Variants in FOXK2 observed in about 807,000 individuals in gnomAD.
The protein encoded by FOXK2 is forkhead box protein K2.
A neutral mutation model predicts 53.3 loss-of-function variants in FOXK2; 24 were observed. That is an observed-to-expected ratio of 0.45 (90% CI 0.33 to 0.63). The LOEUF (loss-of-function observed/expected upper bound fraction) is 0.63, where lower values mean the gene tolerates loss of function less well. Ranked by LOEUF, FOXK2 falls within the 30% of genes least tolerant of loss-of-function variation. FOXK2 has a pLI of 0.03. For synonymous variants in FOXK2, 505 were observed against 407.1 expected (o/e 1.24, Z -2.89); for missense variants, 952 against 910.5 (o/e 1.05, Z -0.59).
At chr17:82,601,116 C>T (rs945296565) in intron 8 of FOXK2, 187 bp from the exon 9 acceptor site, 11 of 614,234 alleles carry the variant, frequency 1.8e-5, no homozygotes, top group South Asian at 4.9e-5. Context: ...CCTTGGCCAC[C>T]GTGGGCCAGT....
chr17:82,541,479 G>A (rs1468931086), intron 1 of FOXK2, among the ~76,000 whole-genome samples: 4 of 152,030 alleles, frequency 2.6e-5, no homozygotes, highest in Admixed American at 1.3e-4. Flanking sequence ...AACCATGTTG[G>A]CCAAGGCTGG....
intron 1 of FOXK2, among the ~76,000 whole-genome samples, chr17:82,539,299 G>A (rs12185280): frequency 8.0e-4 from 41 of 51,498 alleles, no homozygotes; most frequent in African/African-American, 2.9e-3. Context: ...GCTCAGGCCC[G>A]TAATCTCAGC....
In FOXK2 at chr17:82,601,473, G is replaced by C. The variant is rs563189443; in HGVS notation, c.1957G>C (p.Val653Leu). 5 of 1,610,520 alleles carry C rather than the reference G, an allele frequency of 3.1e-6. No individual in the cohort carries two copies. The South Asian group carries it at 5.5e-5, about 18-fold the overall frequency. The part of the protein sequence containing the change: ...ALSVDTPPAA[V>L]REKGVQN Reference sequence around the variant, plus strand: ...GAGCGTGGACACGCCACCGGCAGCCGTAAGGGAAAAGGGTGTCCAGAACTA... The same window carrying C: ...GAGCGTGGACACGCCACCGGCAGCCCTAAGGGAAAAGGGTGTCCAGAACTA... Residue 653 changes from valine (V) to leucine (L), a missense_variant, in exon 9 of 9, where the codon GTA becomes CTA. Val to Leu is a conservative substitution (Grantham distance 32, BLOSUM62 1). Around this residue, in one of 5 missense-constraint regions of FOXK2, gnomAD observed 551 missense variants for 385.1 expected, o/e 1.43. Coordinates refer to ENST00000335255, the MANE Select transcript of FOXK2 (RefSeq NM_004514.4).
At chr17:82,567,494 C>T (rs762861668) in intron 2 of FOXK2, among the ~76,000 whole-genome samples, 4 of 151,924 alleles carry the variant, frequency 2.6e-5, no homozygotes, top group Non-Finnish European at 5.9e-5. Flanking sequence ...CCCGCTGCTG[C>T]GTCCCGGGCG....
intron 1 of FOXK2, among the ~76,000 whole-genome samples, chr17:82,551,724 T>C (rs2044678875): frequency 6.6e-6 from 1 of 152,126 alleles, no homozygotes; most frequent in Non-Finnish European, 1.5e-5. Context: ...GAGGTGATAG[T>C]TGCTGCTTGA....
chr17:82,553,688 T>G (rs1459389258), intron 1 of FOXK2, among the ~76,000 whole-genome samples: 1 of 152,208 alleles, frequency 6.6e-6, no homozygotes, highest in Non-Finnish European at 1.5e-5. Context: ...GGATGTGTGC[T>G]GAGCCCTTAA....
intron 8 of FOXK2, among the ~76,000 whole-genome samples, chr17:82,590,555 G>C (rs1402757457): frequency 4.6e-5 from 7 of 151,992 alleles, no homozygotes; most frequent in Admixed American, 4.6e-4. Context: ...TCTTTTTGTT[G>C]TGAAATTTGT....
intron 6 of FOXK2, among the ~76,000 whole-genome samples, chr17:82,584,459 GCCCCCGCACCCCCAC>G (rs1352842510): frequency 1.4e-5 from 2 of 146,114 alleles, no homozygotes; most frequent in Non-Finnish European, 3.0e-5. Context: ...CCATGAAACA[GCCCCCGCACCCCCAC>G]CCCCCGCAAA....
intron 1 of FOXK2, among the ~76,000 whole-genome samples, chr17:82,531,523 GC>G (rs1310522283): frequency 3.3e-5 from 5 of 152,100 alleles, no homozygotes; most frequent in African/African-American, 1.2e-4. Context: ...ACTTGTACAA[GC>G]CTAGATGACA....
Position 82,531,802 on chromosome 17 carries a change from G to A in FOXK2, c.419+11495G>A, listed in dbSNP as rs2044474251. ...GAATGTGAAGGCCTAGGACGTGACT[G>A]TACACCGCTGTCAACTTCATAAACA... On this transcript the variant is annotated intron_variant, in intron 1 of 8. Transcript: ENST00000335255. 2.6e-5 allele frequency among the ~76,000 whole-genome samples: 4 copies of A among 152,178 alleles called. 1 individual carries two copies. Among genetic ancestry groups the A allele is most frequent in the Admixed American group, 2.6e-4 (4 of 15,276 alleles).
At chr17:82,535,818 G>T (rs1202326270) in intron 1 of FOXK2, among the ~76,000 whole-genome samples, 1 of 151,320 alleles carries the variant, frequency 6.6e-6, no homozygotes, top group African/African-American at 2.4e-5. Flanking sequence ...CGCGATCTGG[G>T]CTCACTGAAA....
At chr17:82,572,528 A>T (rs921018037) in intron 4 of FOXK2, among the ~76,000 whole-genome samples, 9 of 146,746 alleles carry the variant, frequency 6.1e-5, no homozygotes, top group Admixed American at 1.4e-4. Flanking sequence ...TCGCTCTGTT[A>T]TGCCAATAAT....
intron 8 of FOXK2, among the ~76,000 whole-genome samples, chr17:82,598,309 G>T (rs1273286945): frequency 6.6e-6 from 1 of 152,132 alleles, no homozygotes; most frequent in African/African-American, 2.4e-5. Flanking sequence ...TGTCCAGGCT[G>T]GTCTCAGCCT....
chr17:82,535,328 C>G (rs917007805), intron 1 of FOXK2, among the ~76,000 whole-genome samples: 1 of 152,190 alleles, frequency 6.6e-6, no homozygotes. Context: ...TGAGTTTATC[C>G]TACTTGGAGT....
intron 1 of FOXK2, among the ~76,000 whole-genome samples, chr17:82,536,372 C>T (rs1284099467): frequency 3.9e-5 from 6 of 152,290 alleles, no homozygotes; most frequent in African/African-American, 7.2e-5. Context: ...ATGATGAGAA[C>T]GCAGTAGCTC....
intron 1 of FOXK2, among the ~76,000 whole-genome samples, chr17:82,546,662 C>T (rs1423602724): frequency 6.6e-6 from 1 of 151,276 alleles, no homozygotes; most frequent in Non-Finnish European, 1.5e-5. Context: ...TGACGGGGGT[C>T]TCACCATGTT....
intron 1 of FOXK2, among the ~76,000 whole-genome samples, chr17:82,549,945 G>A (rs1303673396): frequency 1.3e-5 from 2 of 152,234 alleles, no homozygotes; most frequent in South Asian, 4.1e-4. Context: ...GCTCATGCCT[G>A]TAATGCCAGC....
intron 1 of FOXK2, among the ~76,000 whole-genome samples, chr17:82,546,113 G>GTTTTTTTTTTTTTTTTTTTTTTTTTTTT (rs1282305641): frequency 1.0e-5 from 1 of 97,968 alleles, no homozygotes; most frequent in Admixed American, 1.2e-4. Context: ...AAGCATGGTT[G>GTTTTTTTTTTTTTTTTTTTTTTTTTTTT]GTTTTTTTTT....
At chr17:82,535,752 T>TG (rs1240668266) in intron 1 of FOXK2, among the ~76,000 whole-genome samples, 4 of 150,838 alleles carry the variant, frequency 2.7e-5, no homozygotes, top group East Asian at 1.9e-4. Context: ...GTTTTTGTTT[T>TG]TGTTTTTTTT....
Sources: allele counts gnomAD v4.1 joint callset (sites outside exome capture counted in the v4.1 genomes callset), GRCh38; gene constraint gnomAD v4.1.1; regional missense constraint gnomAD v4.1.1; transcripts MANE v1.5; gene names NCBI Gene and HGNC (gene_info 2026-07-23, HGNC 2026-07-21).